CPD: variants seen among roughly 807,000 people sequenced by gnomAD.
The protein encoded by CPD is carboxypeptidase D, also known as metallocarboxypeptidase D.
In CPD, 69 loss-of-function variants were observed where a neutral mutation model predicts 138.3. The observed-to-expected ratio is 0.50, with a 90% CI of 0.41 to 0.61. The LOEUF is 0.61. Among genes scored for constraint, CPD ranks in the 20% least tolerant of loss-of-function variants. The pLI, the probability that CPD is intolerant of heterozygous loss-of-function variation, is 0.00. For synonymous variants in CPD, 651 were observed against 642.1 expected (o/e 1.01, Z -0.21); for missense variants, 1,432 against 1,733.3 (o/e 0.83, Z 3.09).
Position 30,385,022 on chromosome 17 carries a change from A to G in CPD, c.780A>G (p.Ser260=), listed in dbSNP as rs780907073. The stretch of plus-strand genomic sequence containing the variant: ...TTTCTGGAAATCTGCATGGTGGCTC[A>G]GTGGTAGCAAGCTATCCTTTTGATG... ...FVLSGNLHGG[S]VVASYPFDDS... The change falls in exon 2 of 21, where the codon TCA becomes TCG. Residue 260 remains serine (S), a synonymous_variant. Coordinates refer to ENST00000225719, the MANE Select transcript of CPD (RefSeq NM_001304.5). 5.6e-6 allele frequency: 9 copies of G among 1,613,942 alleles called. No individual in the cohort carries two copies. The highest frequency in any genetic ancestry group is 1.7e-5 in the Admixed American group (1 of 60,004).
At chr17:30,394,116 C>CTTTTTT (rs35779169) in intron 2 of CPD, among the ~76,000 whole-genome samples, 1 of 40,834 alleles carries the variant, frequency 2.4e-5, no homozygotes, top group Non-Finnish European at 4.4e-5. Context: ...GCACTCCAGC[C>CTTTTTT]TTTTTTTTTT....
In CPD at chr17:30,378,948, G is replaced by T; in HGVS notation, c.-33G>T. On this transcript the variant is annotated 5_prime_UTR_variant, in exon 1 of 21. Coordinates refer to ENST00000225719, the MANE Select transcript of CPD (RefSeq NM_001304.5). ...CGCCGCCCGGAGCGCTGAGCCGCGG[G>T]AGCGGAGCCGGGGTTAGCGGCGCTG... is the stretch of plus-strand genomic sequence containing the variant. 1 of 1,428,526 alleles carries T rather than the reference G, an allele frequency of 7.0e-7. No individual in the cohort carries two copies. The highest frequency in any genetic ancestry group is 2.9e-5 in the East Asian group (1 of 34,832). The allele number at this position is 1,428,526 out of a possible 1,614,324, so 88.5% of individuals were successfully genotyped here.
intron 2 of CPD, among the ~76,000 whole-genome samples, chr17:30,397,649 G>A (rs1262560230): frequency 2.1e-5 from 3 of 145,794 alleles, no homozygotes; most frequent in South Asian, 2.1e-4. Flanking sequence ...AAGGTGGGAG[G>A]ATCACTTGAG....
chr17:30,421,131 T>TAATC, intron 3 of CPD, 148 bp downstream of exon 3: 23 of 629,918 alleles, frequency 3.7e-5, no homozygotes, highest in Non-Finnish European at 4.9e-5. Context: ...TTAAAGATTA[T>TAATC]TAGATTATAA....
intron 14 of CPD, among the ~76,000 whole-genome samples, chr17:30,453,777 A>G (rs1470218073): frequency 5.3e-5 from 8 of 152,140 alleles, no homozygotes; most frequent in Non-Finnish European, 1.0e-4. Flanking sequence ...TTTTCCATAC[A>G]TCTTCTGAAA....
chr17:30,395,227 GT>G (rs1911470556), intron 2 of CPD, among the ~76,000 whole-genome samples: 1 of 131,686 alleles, frequency 7.6e-6, no homozygotes, highest in East Asian at 2.3e-4. Flanking sequence ...TACCTCTAAA[GT>G]GAATGCATTT....
intron 8 of CPD, among the ~76,000 whole-genome samples, chr17:30,438,679 T>C (rs1912768692): frequency 1.3e-5 from 2 of 152,148 alleles, no homozygotes; most frequent in African/African-American, 4.8e-5. Context: ...AGAGAGGGGT[T>C]CAGCTAGGTT....
rs2143530969 is a variant in CPD at position 30,469,980 on chromosome 17, T to C, written c.*5166T>C. On this transcript the variant is annotated 3_prime_UTR_variant, in exon 21 of 21. Transcript: ENST00000225719. ...GTTCTCAGCAAATTAAACATGATGGTCAACGCTAATACTACTCAATTATGA... is the reference window on the plus strand; with the variant it reads ...GTTCTCAGCAAATTAAACATGATGGCCAACGCTAATACTACTCAATTATGA... 6.6e-6 allele frequency: 1 copy of C among 152,226 alleles called. No individual in the cohort carries two copies. Among genetic ancestry groups the C allele is most frequent in the East Asian group, 1.9e-4 (1 of 5,178 alleles). 9.4% of individuals were successfully genotyped at this position (152,226 alleles called of 1,614,324 possible).
At chr17:30,408,168 A>ATATC (rs1711543427) in intron 2 of CPD, among the ~76,000 whole-genome samples, 2 of 147,684 alleles carry the variant, frequency 1.4e-5, no homozygotes, top group African/African-American at 2.4e-5. Flanking sequence ...TCTGTTCTGT[A>ATATC]TCTGTTTTGG....
intron 20 of CPD, 26 bp downstream of exon 20, chr17:30,462,495 T>C (rs764078378): frequency 2.6e-6 from 4 of 1,538,620 alleles, no homozygotes; most frequent in Non-Finnish European, 3.6e-6. Context: ...TTTTTAGTAG[T>C]AAAAGTTAAA....
intron 12 of CPD, among the ~76,000 whole-genome samples, chr17:30,446,625 A>G (rs967662370): frequency 2.0e-5 from 3 of 152,162 alleles, no homozygotes; most frequent in Non-Finnish European, 4.4e-5. Flanking sequence ...GAATAGTGCC[A>G]CAATAAACAT....
At chr17:30,433,645 C>T (rs1233434011) in intron 8 of CPD, among the ~76,000 whole-genome samples, 1 of 152,226 alleles carries the variant, frequency 6.6e-6, no homozygotes, top group Non-Finnish European at 1.5e-5. Context: ...CCAACTTCAG[C>T]TGAACCCTCA....
At chr17:30,430,421 G>C (rs140070046) in intron 7 of CPD, among the ~76,000 whole-genome samples, 1 of 152,020 alleles carries the variant, frequency 6.6e-6, no homozygotes, top group African/African-American at 2.4e-5. Context: ...CTTTCATTTA[G>C]CATAGTGTTT....
intron 2 of CPD, among the ~76,000 whole-genome samples, chr17:30,414,792 G>A (rs1912063026): frequency 6.6e-6 from 1 of 152,192 alleles, no homozygotes; most frequent in Admixed American, 6.5e-5. Flanking sequence ...GAATGAAAGT[G>A]CCATTAACTG....
At chr17:30,426,120 A>AGGC (rs1264559595) in intron 6 of CPD, among the ~76,000 whole-genome samples, 10 of 151,694 alleles carry the variant, frequency 6.6e-5, no homozygotes, top group African/African-American at 2.4e-4. Context: ...GAATGGCGTG[A>AGGC]ACCCAGGAGG....
chr17:30,459,599 T>G (rs886658362), intron 17 of CPD, among the ~76,000 whole-genome samples: 2 of 152,346 alleles, frequency 1.3e-5, no homozygotes, highest in Non-Finnish European at 2.9e-5. Flanking sequence ...GTCTTTCAGC[T>G]TTATTGTTCT....
Position 30,456,248 on chromosome 17 carries a change from T to A in CPD, c.3338-8T>A. 1 of 1,603,784 alleles carries A rather than the reference T, an allele frequency of 6.2e-7. No homozygotes were observed. The highest frequency in any genetic ancestry group is 8.5e-7 in the Non-Finnish European group (1 of 1,175,156). Reference sequence around the variant, plus strand: ...TCTCCACTGACTTCTAAATTTTTCTTTCTATAGTGGAAAATAAAGAGACTC... The same window carrying A: ...TCTCCACTGACTTCTAAATTTTTCTATCTATAGTGGAAAATAAAGAGACTC... On this transcript the variant is annotated splice_polypyrimidine_tract_variant and splice_region_variant and intron_variant, in intron 15 of 20. Coordinates refer to ENST00000225719, the MANE Select transcript of CPD (RefSeq NM_001304.5).
At chr17:30,398,084 A>G (rs957359644) in intron 2 of CPD, among the ~76,000 whole-genome samples, 1 of 151,894 alleles carries the variant, frequency 6.6e-6, no homozygotes, top group East Asian at 1.9e-4. Flanking sequence ...TAAACTTAAG[A>G]TGAAAACTTG....
Position 30,443,868 on chromosome 17 carries a change from A to G in CPD, c.2440A>G (p.Ile814Val), listed in dbSNP as rs150162461. Residue 814 changes from isoleucine (I) to valine (V), a missense_variant, in exon 11 of 21, where the codon ATT becomes GTT. This residue lies in a region of CPD where 297 missense variants were observed against 405.3 expected (regional missense o/e 0.73). Transcript: ENST00000225719. The part of the protein sequence containing the change: ...TDGRGILNAT[I>V]SVAEINHPVT... ...TGGCAGGGGTATATTAAATGCCACC[A>G]TTAGTGTTGCTGAGATTAATCACCC... 3,665 of 1,613,986 alleles carry G rather than the reference A, an allele frequency of 2.3e-3. 7 individuals carry two copies. The highest frequency in any genetic ancestry group is 2.8e-3 in the Non-Finnish European group (3,342 of 1,179,888).
Sources: allele counts gnomAD v4.1 joint callset (sites outside exome capture counted in the v4.1 genomes callset), GRCh38; gene constraint gnomAD v4.1.1; regional missense constraint gnomAD v4.1.1; transcripts MANE v1.5; gene names NCBI Gene and HGNC (gene_info 2026-07-23, HGNC 2026-07-21).